DIP2C: variants seen among roughly 807,000 people sequenced by gnomAD.
The protein encoded by DIP2C is DIP2 acetate--CoA ligase C (putative), also known as disco-interacting protein 2 homolog C.
Under a neutral mutation model 192.4 loss-of-function variants are expected in DIP2C, and 33 were observed. That is an observed-to-expected ratio of 0.17 (90% CI 0.13 to 0.23). The LOEUF is 0.23. Ranked by LOEUF, DIP2C falls within the 10% of genes least tolerant of loss-of-function variation. The pLI is 1.00. For missense variants in DIP2C, 1,537 were observed against 2,110.1 expected, an observed-to-expected ratio of 0.73 and a Z score of 5.32; for synonymous variants, 979 against 864.1, an observed-to-expected ratio of 1.13 and a Z score of -2.33.
intron 1 of DIP2C, among the ~76,000 whole-genome samples, chr10:682,684 T>C (rs1300627435): frequency 6.6e-6 from 1 of 152,202 alleles, no homozygotes; most frequent in African/African-American, 2.4e-5. Flanking sequence ...TTTTTTATTT[T>C]TTAATTTTTA....
chr10:618,383 C>A (rs1260421238), intron 1 of DIP2C, among the ~76,000 whole-genome samples: 3 of 152,234 alleles, frequency 2.0e-5, no homozygotes, highest in African/African-American at 7.2e-5. Context: ...CTGACATGGC[C>A]TCGTCCCAGG....
rs1213557313 is a variant in DIP2C, at chr10:356,460, G to A, written c.2951C>T (p.Pro984Leu). 1 of 1,612,122 alleles carries A rather than the reference G, an allele frequency of 6.2e-7. No homozygotes were observed. ...GAGCAGCGTGTAGAGGATGTGGTCC[G>A]GGGTGGTCTGTGCTCTCCACTGCAA... ...EVLQWRAQTTPDHILYTLLNC... is the reference protein window; with the variant it reads ...EVLQWRAQTTLDHILYTLLNC... Residue 984 changes from proline to leucine, a missense_variant, in exon 24 of 37, where the codon CCG becomes CTG. Physicochemically the swap from Pro to Leu is moderately conservative, Grantham distance 98. Around this residue, in one of 4 missense-constraint regions of DIP2C, gnomAD observed 677 missense variants for 989.9 expected, o/e 0.68. Coordinates refer to ENST00000280886, the MANE Select transcript of DIP2C (RefSeq NM_014974.3).
intron 32 of DIP2C, among the ~76,000 whole-genome samples, chr10:291,997 CA>C (rs1416724662): frequency 6.6e-6 from 1 of 152,174 alleles, no homozygotes; most frequent in Non-Finnish European, 1.5e-5. Context: ...ACTGAGCCAC[CA>C]AAAGGACCAA....
At position 390,876 on chromosome 10, in the gene DIP2C, C is replaced by CA; in HGVS notation, c.1261-14dup. ...GGCTCCCTGCGTCCTGAGAGGGCAA[C>CA]AGAGAGGAGTTGAGAATCCACGACC... is the stretch of plus-strand genomic sequence containing the variant. On this transcript the variant is annotated splice_polypyrimidine_tract_variant and intron_variant, in intron 10 of 36. Coordinates refer to ENST00000280886, the MANE Select transcript of DIP2C (RefSeq NM_014974.3). The CA allele has an allele frequency of 6.2e-7, 1 of 1,613,460 alleles. No homozygotes were observed. The highest frequency in any genetic ancestry group is 8.5e-7 in the Non-Finnish European group (1 of 1,179,694).
At chr10:355,139 C>T (rs939726679) in intron 24 of DIP2C, among the ~76,000 whole-genome samples, 2 of 152,124 alleles carry the variant, frequency 1.3e-5, no homozygotes, top group Non-Finnish European at 2.9e-5. Context: ...GCAGGGGCTC[C>T]GTCACAGCAC....
intron 5 of DIP2C, among the ~76,000 whole-genome samples, chr10:420,244 G>A (rs75833056): frequency 0.017 from 2,560 of 152,342 alleles, 75 homozygotes; most frequent in African/African-American, 0.058. Flanking sequence ...ACAGAAGATC[G>A]AGGCACAGAA....
At chr10:392,362 C>T (rs1234207529) in intron 10 of DIP2C, among the ~76,000 whole-genome samples, 3 of 152,192 alleles carry the variant, frequency 2.0e-5, no homozygotes, top group Non-Finnish European at 4.4e-5. Context: ...GACCTCAGGC[C>T]AGGAGCCAAC....
chr10:635,398 ATGGATAGACGTCC>A (rs1854770337), intron 1 of DIP2C, among the ~76,000 whole-genome samples: 1 of 152,228 alleles, frequency 6.6e-6, no homozygotes, highest in East Asian at 1.9e-4. Flanking sequence ...TCAAGGATGG[ATGGATAGACGTCC>A]TGGACAGACA....
chr10:311,525 A>G (rs1956565908), intron 31 of DIP2C: 10 of 1,232,396 alleles, frequency 8.1e-6, no homozygotes, highest in Non-Finnish European at 9.1e-6. Context: ...GATGGACAGG[A>G]AAGTCCCCTA....
intron 3 of DIP2C, among the ~76,000 whole-genome samples, chr10:456,362 T>C (rs866899627): frequency 8.1e-6 from 1 of 124,096 alleles, no homozygotes; most frequent in African/African-American, 3.9e-5. Flanking sequence ...CCGTGAGGAG[T>C]AAATGAGATG....
chr10:582,694 T>A (rs1588517938), intron 1 of DIP2C, among the ~76,000 whole-genome samples: 1 of 152,208 alleles, frequency 6.6e-6, no homozygotes, highest in Non-Finnish European at 1.5e-5. Context: ...AAGAAAAGCG[T>A]GTCTCCAAAC....
chr10:299,829 C>A (rs1336713299), intron 32 of DIP2C, among the ~76,000 whole-genome samples: 1 of 152,020 alleles, frequency 6.6e-6, no homozygotes, highest in Non-Finnish European at 1.5e-5. Flanking sequence ...AACAAAGAAA[C>A]CACTCCAGCT....
At chr10:354,235 T>C (rs576835617) in intron 24 of DIP2C, among the ~76,000 whole-genome samples, 1 of 152,340 alleles carries the variant, frequency 6.6e-6, no homozygotes, top group East Asian at 1.9e-4. Context: ...CTGGCCCCCA[T>C]CGGATTTGCA....
At chr10:353,499 G>A (rs189084293) in intron 24 of DIP2C, among the ~76,000 whole-genome samples, 251 of 151,508 alleles carry the variant, frequency 1.7e-3, no homozygotes, top group African/African-American at 4.6e-3. Context: ...AGCGACTCTC[G>A]TGCTTCCAGC....
chr10:656,133 C>T (rs61833026), intron 1 of DIP2C, among the ~76,000 whole-genome samples: 6 of 2,722 alleles, frequency 2.2e-3, no homozygotes, highest in Non-Finnish European at 2.9e-3. Flanking sequence ...TCCTATTGTA[C>T]ACTATACTAT....
intron 1 of DIP2C, among the ~76,000 whole-genome samples, chr10:489,561 G>A (rs1844280982): frequency 6.6e-6 from 1 of 151,990 alleles, no homozygotes; most frequent in African/African-American, 2.4e-5. Context: ...CGGTGGCTCT[G>A]ACAGTGCCTG....
intron 1 of DIP2C, among the ~76,000 whole-genome samples, chr10:538,324 TTC>T (rs1847804554): frequency 6.6e-6 from 1 of 151,902 alleles, no homozygotes; most frequent in South Asian, 2.1e-4. Context: ...ACTCGGCTAG[TTC>T]TTTTTTGTAG....
intron 18 of DIP2C, among the ~76,000 whole-genome samples, chr10:367,373 C>G (rs964014464): frequency 1.3e-5 from 2 of 150,818 alleles, no homozygotes; most frequent in African/African-American, 4.9e-5. Flanking sequence ...ACCGAGATCG[C>G]GCCACTGCAC....
intron 26 of DIP2C, among the ~76,000 whole-genome samples, chr10:346,518 T>C (rs1448604616): frequency 1.6e-5 from 2 of 125,230 alleles, no homozygotes; most frequent in Non-Finnish European, 1.7e-5. Context: ...ACATCGCGCA[T>C]AGTTCTCCCG....
Sources: allele counts gnomAD v4.1 joint callset (sites outside exome capture counted in the v4.1 genomes callset), GRCh38; gene constraint gnomAD v4.1.1; regional missense constraint gnomAD v4.1.1; transcripts MANE v1.5; gene names NCBI Gene and HGNC (gene_info 2026-07-23, HGNC 2026-07-21).